Variants in USP34 observed in about 807,000 individuals in gnomAD.
The protein encoded by USP34 is ubiquitin specific peptidase 34.
In USP34, 70 loss-of-function variants were observed where a neutral mutation model predicts 460.3. That is an observed-to-expected ratio of 0.15 (90% confidence interval 0.13 to 0.19). USP34 has a LOEUF of 0.19. Ranked by LOEUF, USP34 falls within the 10% of genes least tolerant of loss-of-function variation. The pLI is 1.00. For synonymous variants in USP34, 1,647 were observed against 1,405.3 expected (o/e 1.17, Z -3.85); for missense variants, 3,985 against 4,236.2 (o/e 0.94, Z 1.65).
At chr2:61,278,130 A>G (rs1689428842) in intron 41 of USP34, 35 bp downstream of exon 41, 1 of 1,605,164 alleles carries the variant, frequency 6.2e-7, no homozygotes, top group Non-Finnish European at 8.5e-7. Flanking sequence ...TTTCAATCAC[A>G]TTTCATAGAA....
chr2:61,256,723 G>T (rs1367867609), intron 47 of USP34, 150 bp downstream of exon 47: 7 of 639,792 alleles, frequency 1.1e-5, no homozygotes, highest in Non-Finnish European at 1.5e-5. Context: ...CTTTATGGTT[G>T]ATGTTTAACT....
At chr2:61,344,186 A>G (rs1691690973) in intron 15 of USP34, among the ~76,000 whole-genome samples, 157 bp from the exon 16 acceptor site, 1 of 152,218 alleles carries the variant, frequency 6.6e-6, no homozygotes. Context: ...ACGAAACTGA[A>G]AACTTCACAC....
chr2:61,296,502 A>G (rs1413908167), intron 30 of USP34, among the ~76,000 whole-genome samples: 1 of 152,224 alleles, frequency 6.6e-6, no homozygotes, highest in Non-Finnish European at 1.5e-5. Context: ...TGTTACTAAG[A>G]ACAAAAAACA....
At chr2:61,345,274 A>T (rs1691733216) in intron 15 of USP34, among the ~76,000 whole-genome samples, 1 of 66,844 alleles carries the variant, frequency 1.5e-5, no homozygotes, top group Non-Finnish European at 3.9e-5. Flanking sequence ...ACTGTGTTTA[A>T]AAAAAAAAAA....
rs70963417 is a variant in USP34, at chr2:61,365,944, C to CTATTTATTTATTTATTTATTTATT, written c.1251+4353_1251+4376dup. On this transcript the variant is annotated intron_variant, in intron 10 of 79. Transcript: ENST00000398571. ...GAAAGACTAAAATGACTGGGAACAC[C>CTATTTATTTATTTATTTATTTATT]TATTTATTTATTTATTTATTTATTT... 8.3e-3 allele frequency among the ~76,000 whole-genome samples: 1,240 copies of CTATTTATTTATTTATTTATTTATT among 150,274 alleles called. 11 individuals carry two copies. Among genetic ancestry groups the CTATTTATTTATTTATTTATTTATT allele is most frequent in the Non-Finnish European group, 0.012 (781 of 67,478 alleles).
At chr2:61,441,807 AAAAAAAAAG>A (rs1162815032) in intron 1 of USP34, among the ~76,000 whole-genome samples, 1 of 151,262 alleles carries the variant, frequency 6.6e-6, no homozygotes, top group Non-Finnish European at 1.5e-5. Context: ...CATTACAAAA[AAAAAAAAAG>A]AAAAAAGAAA....
chr2:61,242,176 A>C (rs1361530302), intron 51 of USP34, among the ~76,000 whole-genome samples: 3 of 152,172 alleles, frequency 2.0e-5, no homozygotes, highest in African/African-American at 7.2e-5. Context: ...TAAAAACTGA[A>C]TTTAAATAGT....
At chr2:61,310,155 C>T (rs760047614) in intron 27 of USP34, among the ~76,000 whole-genome samples, 9 of 152,088 alleles carry the variant, frequency 5.9e-5, no homozygotes, top group Non-Finnish European at 8.8e-5. Context: ...ATGGTAGGTA[C>T]GTGGATTTTC....
chr2:61,356,144 A>C (rs535055626), intron 10 of USP34, among the ~76,000 whole-genome samples: 1 of 151,948 alleles, frequency 6.6e-6, no homozygotes, highest in East Asian at 1.9e-4. Context: ...AGGATGTAAA[A>C]GCAGCCCAAA....
chr2:61,220,476 G>C lies in USP34; in HGVS notation c.7900-19C>G. On this transcript the variant is annotated intron_variant, in intron 66 of 79. Coordinates refer to ENST00000398571, the MANE Select transcript of USP34 (RefSeq NM_014709.4). ...CAATCACCTACAAATAACATGACAA[G>C]AACAGAATATAAGGCCAACTGAATG... is the stretch of plus-strand genomic sequence containing the variant. The C allele has an allele frequency of 3.8e-6, 6 of 1,591,268 alleles. No individual in the cohort carries two copies. Among genetic ancestry groups the C allele is most frequent in the Non-Finnish European group, 5.1e-6 (6 of 1,169,692 alleles).
At chr2:61,445,301 C>T (rs576947739) in intron 1 of USP34, among the ~76,000 whole-genome samples, 6 of 149,884 alleles carry the variant, frequency 4.0e-5, no homozygotes, top group Admixed American at 1.3e-4. Context: ...TTTGGGAGGC[C>T]GAGGCGGGCG....
chr2:61,197,820 C>A (rs1224456259), intron 75 of USP34, among the ~76,000 whole-genome samples: 2 of 152,166 alleles, frequency 1.3e-5, no homozygotes, highest in Non-Finnish European at 2.9e-5. Flanking sequence ...AGTGCAGTGG[C>A]TCCATCTCAG....
At position 61,320,806 on chromosome 2, in the gene USP34, T is replaced by A. The variant is rs115356584; in HGVS notation, c.3014-1479A>T. ...GGGTGGATCACCAAAGGTCAGGAGT[T>A]CAGAACCAGCCTAGTCAACATGGTG... On this transcript the variant is annotated intron_variant, in intron 21 of 79. Transcript: ENST00000398571. Among the ~76,000 whole-genome samples the A allele has an allele frequency of 6.0e-3, 912 of 152,202 alleles. 9 individuals carry two copies. The highest frequency in any genetic ancestry group is 0.021 in the African/African-American group (867 of 41,542).
At chr2:61,441,483 C>CTGGTTGGGGG (rs2104025346) in intron 1 of USP34, among the ~76,000 whole-genome samples, 1 of 152,244 alleles carries the variant, frequency 6.6e-6, no homozygotes, top group South Asian at 2.1e-4. Context: ...TGTCAGGAGG[C>CTGGTTGGGGG]CTCCTCTGGA....
At chr2:61,243,303 C>T (rs373436047) in intron 51 of USP34, among the ~76,000 whole-genome samples, 4 of 152,032 alleles carry the variant, frequency 2.6e-5, no homozygotes, top group South Asian at 2.1e-4. Flanking sequence ...CCCGCCACCA[C>T]GCCCGGCTAA....
At chr2:61,435,186 T>C (rs1356066194) in intron 1 of USP34, among the ~76,000 whole-genome samples, 1 of 151,004 alleles carries the variant, frequency 6.6e-6, no homozygotes, top group Non-Finnish European at 1.5e-5. Flanking sequence ...ATGCTTATAG[T>C]CCCAGCTACT....
In USP34 at chr2:61,188,311, A is replaced by G. The variant is rs1332438043; in HGVS notation, c.10432T>C (p.Ser3478Pro). ...FPSTSISAVL[S>P]DLADLRSCDG... ...CAGCTTCTCAAGTCAGCTAAGTCAGACAGAACTGCAGAGATAGAAGTAGAA... is the reference window on the plus strand; with the variant it reads ...CAGCTTCTCAAGTCAGCTAAGTCAGGCAGAACTGCAGAGATAGAAGTAGAA... Residue 3478 changes from serine (S) to proline (P), a missense_variant, in exon 80 of 80, where the codon TCT becomes CCT. By Grantham distance (74) the Ser-to-Pro change is moderately conservative (BLOSUM62 -1). This residue lies in a region of USP34 where 506 missense variants were observed against 439.0 expected (regional missense o/e 1.15). Coordinates refer to ENST00000398571, the MANE Select transcript of USP34 (RefSeq NM_014709.4). The G allele has an allele frequency of 6.2e-7, 1 of 1,613,714 alleles. No individual in the cohort carries two copies.
At chr2:61,375,378 C>T (rs1028918310) in intron 8 of USP34, among the ~76,000 whole-genome samples, 1 of 152,152 alleles carries the variant, frequency 6.6e-6, no homozygotes, top group Non-Finnish European at 1.5e-5. Context: ...ATATAAGCAA[C>T]AATTCTAATC....
In USP34 at chr2:61,190,593, T is replaced by C. The variant is rs932443305; in HGVS notation, c.9654A>G (p.Lys3218=). 3.1e-6 allele frequency: 5 copies of C among 1,614,018 alleles called. No individual in the cohort carries two copies. In the African/African-American group the frequency reaches 5.3e-5, roughly 17 times the overall value. The part of the protein sequence containing the change: ...CEDPVFAEYI[K]CILMDERTFL... ...AAGTTCTTTCATCCATTAGGATACA[T>C]TTAATATATTCTGCGAAAACAGGAT... The change falls in exon 77 of 80, where the codon AAA becomes AAG. Residue 3218 remains lysine, a synonymous_variant. Coordinates refer to ENST00000398571, the MANE Select transcript of USP34 (RefSeq NM_014709.4).
Sources: gnomAD v4.1 joint callset for allele counts (sites outside exome capture counted in the v4.1 genomes callset) on GRCh38, gnomAD v4.1.1 for gene constraint, gnomAD v4.1.1 regional missense constraint, MANE v1.5 for transcripts, NCBI Gene and HGNC (gene_info 2026-07-23, HGNC 2026-07-21) for gene names.